The following PSG1 variants were observed in gnomAD, a reference collection of about 807,000 sequenced individuals.
PSG1 encodes pregnancy specific beta-1-glycoprotein 1, also known as pregnancy-specific beta-1-glycoprotein 1.
Under a neutral mutation model 41.4 loss-of-function variants are expected in PSG1, and 60 were observed. The observed-to-expected ratio is 1.45, with a 90% CI of 1.18 to 1.80. PSG1 has a LOEUF of 1.80. PSG1 is among the 40% of genes most tolerant of loss of function. PSG1 has a pLI of 0.00. For synonymous variants in PSG1, 256 were observed against 192.9 expected, an observed-to-expected ratio of 1.33 and a Z score of -2.71; for missense variants, 806 against 516.9, an observed-to-expected ratio of 1.56 and a Z score of -5.42.
At position 42,871,890 on chromosome 19, in the gene PSG1, A is replaced by G. The variant is rs1440561650; in HGVS notation, c.586T>C (p.Ser196Pro). The change falls in exon 3 of 6, where the codon TCC becomes CCC. Residue 196 changes from serine (S) to proline (P), a missense_variant. By Grantham distance (74) the Ser-to-Pro change is moderately conservative. Transcript: ENST00000436291. ...AGAAAGAGGGTCCTGTTGGTTTCGG[A>G]CAGCTTCAAGCTGTGAGTCATAGGG... ...SLPMTHSLKL[S>P]ETNRTLFLLG... The G allele has an allele frequency of 2.5e-6, 4 of 1,612,288 alleles. No homozygotes were observed. The African/African-American group carries it at 5.4e-5, about 22-fold the overall frequency.
At chr19:42,875,133 G>C (rs988630543) in intron 2 of PSG1, among the ~76,000 whole-genome samples, 3 of 151,734 alleles carry the variant, frequency 2.0e-5, no homozygotes, top group African/African-American at 4.8e-5. Flanking sequence ...AACTAGCATG[G>C]CTGACTCCAT....
chr19:42,878,964 T>A (rs1971744549), intron 1 of PSG1, among the ~76,000 whole-genome samples: 1 of 151,402 alleles, frequency 6.6e-6, no homozygotes, highest in Non-Finnish European at 1.5e-5. Context: ...TGTCATCTGC[T>A]ATAGTTATTA....
At chr19:42,876,415 C>T (rs531967224) in intron 2 of PSG1, among the ~76,000 whole-genome samples, 1 of 151,414 alleles carries the variant, frequency 6.6e-6, no homozygotes, top group African/African-American at 2.4e-5. Flanking sequence ...GGGGATGAAA[C>T]ATGGATGTCA....
At chr19:42,871,340 A>G (rs1382915597) in intron 3 of PSG1, among the ~76,000 whole-genome samples, 2 of 151,588 alleles carry the variant, frequency 1.3e-5, no homozygotes, top group Non-Finnish European at 2.9e-5. Context: ...TGAGGAAGAA[A>G]TGGTGGGGGC....
chr19:42,871,661 G>A lies in PSG1; in HGVS notation c.709+106C>T, dbSNP rs1600498250. ...AGTCATGGCCAGGTTTGATGTCCAGGGGTAAAGGTCTCTGTATTGGACCTG... is the reference window on the plus strand; with the variant it reads ...AGTCATGGCCAGGTTTGATGTCCAGAGGTAAAGGTCTCTGTATTGGACCTG... On this transcript the variant is annotated intron_variant, in intron 3 of 5. Coordinates refer to ENST00000436291, the MANE Select transcript of PSG1 (RefSeq NM_001184825.2). The A allele has an allele frequency of 5.6e-6, 9 of 1,610,284 alleles. No individual in the cohort carries two copies. The East Asian group carries it at 8.9e-5, about 16-fold the overall frequency.
intron 2 of PSG1, among the ~76,000 whole-genome samples, 168 bp from the exon 3 acceptor site, chr19:42,872,213 G>C (rs1426220049): frequency 6.6e-6 from 1 of 151,662 alleles, no homozygotes; most frequent in Non-Finnish European, 1.5e-5. Flanking sequence ...TGAGGGCTCA[G>C]AGATTGTGAG....
At chr19:42,869,163 T>G (rs887777613) in intron 3 of PSG1, 129 bp from the exon 4 acceptor site, 8 of 1,519,832 alleles carry the variant, frequency 5.3e-6, no homozygotes, top group East Asian at 4.5e-5. Flanking sequence ...TAGCTGGTGC[T>G]TTTGTCACAA....
chr19:42,867,244 C>T (rs1971170562), intron 5 of PSG1, 94 bp from the exon 6 acceptor site: 4 of 747,400 alleles, frequency 5.4e-6, no homozygotes, highest in South Asian at 2.8e-5. Flanking sequence ...TAATTTTTCC[C>T]TCTATGGGCA....
At chr19:42,869,558 A>C (rs1443871875) in intron 3 of PSG1, 1 of 165,068 alleles carries the variant, frequency 6.1e-6, no homozygotes, top group Non-Finnish European at 1.3e-5. Context: ...AGCAGAAATA[A>C]CACAGGGGAG....
rs1971398534 is a variant in PSG1, at chr19:42,871,810, T to C, written c.666A>G (p.Pro222=). 1 of 1,612,508 alleles carries C rather than the reference T, an allele frequency of 6.2e-7. No individual in the cohort carries two copies. Among genetic ancestry groups the C allele is most frequent in the Admixed American group, 1.7e-5 (1 of 59,884 alleles). Residue 222 remains proline (P), a synonymous_variant, in exon 3 of 6, where the codon CCA becomes CCG. Coordinates refer to ENST00000436291, the MANE Select transcript of PSG1 (RefSeq NM_001184825.2). The part of the protein sequence containing the change: ...AGPYECEIRN[P]VSASRSDPVT... The stretch of plus-strand genomic sequence containing the variant: ...CTGGGTCACTGCGGCTGGCACTCAC[T>C]GGGTTCCGTATTTCACATTCATAGG...
chr19:42,869,240 A>C (rs1288392526), intron 3 of PSG1: 1 of 1,181,930 alleles, frequency 8.5e-7, no homozygotes, highest in African/African-American at 1.6e-5. Context: ...AGGGAAGCAC[A>C]GACTTTCTGA....
At chr19:42,872,655 A>G (rs1301473078) in intron 2 of PSG1, among the ~76,000 whole-genome samples, 1 of 151,506 alleles carries the variant, frequency 6.6e-6, no homozygotes. Flanking sequence ...TCTCATAGTG[A>G]CTGAGTTGAG....
In PSG1 at chr19:42,878,043, T is replaced by A; in HGVS notation, c.300A>T (p.Thr100=). 1.2e-6 allele frequency: 2 copies of A among 1,612,542 alleles called. No homozygotes were observed. Among genetic ancestry groups the A allele is most frequent in the Non-Finnish European group, 1.7e-6 (2 of 1,179,194 alleles). ...IYGPAYSGRE[T]AYSNASLLIQ... is the part of the protein sequence containing the mutation. ...TCAGCAGGGATGCATTGGAATATGCTGTTTCTCGTCCACTATATGCAGGCC... is the reference window on the plus strand; with the variant it reads ...TCAGCAGGGATGCATTGGAATATGCAGTTTCTCGTCCACTATATGCAGGCC... Residue 100 remains threonine (T), a synonymous_variant, in exon 2 of 6, where the codon ACA becomes ACT. Transcript: ENST00000436291.
At position 42,868,862 on chromosome 19, in the gene PSG1, G is replaced by A. The variant is rs538096264; in HGVS notation, c.882C>T (p.Ile294=). 3.1e-6 allele frequency: 5 copies of A among 1,610,820 alleles called. No individual in the cohort carries two copies. Among genetic ancestry groups the A allele is most frequent in the Non-Finnish European group, 4.2e-6 (5 of 1,179,014 alleles). The part of the protein sequence containing the change: ...PRVKRPIENR[I]LILPSVTRNE... The stretch of plus-strand genomic sequence containing the variant: ...TTCTCGTGACACTGGGTAGAATGAG[G>A]ATCCTGTTTTCAATGGGTCGCTTTA... The change falls in exon 4 of 6, where the codon ATC becomes ATT. Residue 294 remains isoleucine (I), a synonymous_variant. Transcript: ENST00000436291.
At chr19:42,867,679 G>T (rs572182219) in intron 5 of PSG1, 24 of 780,488 alleles carry the variant, frequency 3.1e-5, no homozygotes, top group Admixed American at 1.3e-4. Flanking sequence ...GGGGCAGTCA[G>T]GTAGAAAGCA....
intron 5 of PSG1, chr19:42,867,775 A>C: frequency 9.8e-7 from 1 of 1,015,760 alleles, no homozygotes; most frequent in South Asian, 1.4e-5. Flanking sequence ...GAAAAATTCC[A>C]TCAATGTAGA....
chr19:42,874,579 C>T (rs1238535368), intron 2 of PSG1, among the ~76,000 whole-genome samples: 1 of 151,744 alleles, frequency 6.6e-6, no homozygotes, highest in Non-Finnish European at 1.5e-5. Context: ...ATCTCTTGAC[C>T]TTGTGCCCGC....
chr19:42,871,964 G>A lies in PSG1; in HGVS notation c.512C>T (p.Pro171Leu), dbSNP rs1213535917. The A allele has an allele frequency of 1.2e-6, 2 of 1,612,498 alleles. No individual in the cohort carries two copies. Among genetic ancestry groups the A allele is most frequent in the South Asian group, 1.1e-5 (1 of 90,822 alleles). ...CAGGTAGCTTGCGTCTGGAGTCTCAGGGTCACAGGTTAAGCTCACAGCCTC... is the reference window on the plus strand; with the variant it reads ...CAGGTAGCTTGCGTCTGGAGTCTCAAGGTCACAGGTTAAGCTCACAGCCTC... ...TMEAVSLTCD[P>L]ETPDASYLWW... The change falls in exon 3 of 6, where the codon CCT (proline) becomes CTT (leucine). Residue 171 changes from proline to leucine, a missense_variant. Transcript: ENST00000436291.
rs550949727 is a variant in PSG1 at position 42,878,780 on chromosome 19, A to G, written c.65-502T>C. ...CCCCATGACAGCGTGAGCTCCGTGA[A>G]GACAGGGACTTTTGTGATCTTGGTT... On this transcript the variant is annotated intron_variant, in intron 1 of 5. Coordinates refer to ENST00000436291, the MANE Select transcript of PSG1 (RefSeq NM_001184825.2). Among the ~76,000 whole-genome samples the G allele has an allele frequency of 6.2e-3, 930 of 150,312 alleles. 11 individuals are homozygous for G. Among genetic ancestry groups the G allele is most frequent in the African/African-American group, 0.02 (796 of 40,642 alleles).
Sources: gnomAD v4.1 joint callset for allele counts (sites outside exome capture counted in the v4.1 genomes callset) on GRCh38, gnomAD v4.1.1 for gene constraint, MANE v1.5 for transcripts, NCBI Gene and HGNC (gene_info 2026-07-23, HGNC 2026-07-21) for gene names.